The following PLCB4 variants were observed in gnomAD, a reference collection of about 807,000 sequenced individuals.
The protein encoded by PLCB4 is phospholipase C beta 4, also known as 1-phosphatidylinositol 4,5-bisphosphate phosphodiesterase beta-4.
In PLCB4, 77 loss-of-function variants were observed where a neutral mutation model predicts 178.8. The ratio of observed to expected loss-of-function variants is 0.43; its 90% CI spans 0.36 to 0.52. The LOEUF (loss-of-function observed/expected upper bound fraction) is 0.52. Ranked by LOEUF, PLCB4 falls within the 20% of genes least tolerant of loss-of-function variation. PLCB4 has a pLI of 0.00. For missense variants in PLCB4, 1,024 were observed against 1,453.4 expected, an observed-to-expected ratio of 0.70 and a Z score of 4.80; for synonymous variants, 496 against 490.8, an observed-to-expected ratio of 1.01 and a Z score of -0.14.
intron 34 of PLCB4, among the ~76,000 whole-genome samples, chr20:9,458,914 G>A (rs1056139540): frequency 6.6e-6 from 1 of 152,224 alleles, no homozygotes; most frequent in Admixed American, 6.5e-5. Context: ...GGTTGACACA[G>A]TAAGTCATGA....
intron 2 of PLCB4, among the ~76,000 whole-genome samples, chr20:9,156,234 A>G (rs1322738992): frequency 6.6e-6 from 1 of 152,178 alleles, no homozygotes; most frequent in African/African-American, 2.4e-5. Context: ...CAGTCTCCTC[A>G]TCCATAAAAT....
At position 9,339,004 on chromosome 20, in the gene PLCB4, C is replaced by G; in HGVS notation, c.336C>G (p.Thr112=). 6.2e-7 allele frequency: 1 copy of G among 1,613,192 alleles called. No individual in the cohort carries two copies. The highest frequency in any genetic ancestry group is 8.5e-7 in the Non-Finnish European group (1 of 1,179,428). ...SGTDLVNISF[T]YMVAENPEVT... Reference sequence around the variant, plus strand: ...CAGATCTAGTGAACATTAGTTTTACCTACATGGTGGCTGAAAATCCAGAAG... The same window carrying G: ...CAGATCTAGTGAACATTAGTTTTACGTACATGGTGGCTGAAAATCCAGAAG... Residue 112 remains threonine (T), a synonymous_variant, in exon 7 of 40, where the codon ACC becomes ACG. Coordinates refer to ENST00000378473, the MANE Select transcript of PLCB4 (RefSeq NM_001377142.1).
chr20:9,358,169 T>C (rs2035005668), intron 7 of PLCB4, among the ~76,000 whole-genome samples: 1 of 152,236 alleles, frequency 6.6e-6, no homozygotes, highest in African/African-American at 2.4e-5. Context: ...CTATTTCCCA[T>C]CCTGAAGATT....
chr20:9,214,186 T>G (rs2093703197), intron 2 of PLCB4, among the ~76,000 whole-genome samples: 1 of 152,206 alleles, frequency 6.6e-6, no homozygotes. Context: ...ATTGTTCTGG[T>G]CACAAGGATG....
In PLCB4 at chr20:9,390,610, C is replaced by T; in HGVS notation, c.1318C>T (p.His440Tyr). The change falls in exon 17 of 40, where the codon CAT (histidine) becomes TAT (tyrosine). Residue 440 changes from histidine (H) to tyrosine (Y), a missense_variant. Coordinates refer to ENST00000378473, the MANE Select transcript of PLCB4 (RefSeq NM_001377142.1). Reference protein sequence around the residue: ...DLLLKQALESHPLEPGRALPS... With the variant: ...DLLLKQALESYPLEPGRALPS... ...CCTGTTGAAACAAGCACTTGAATCA[C>T]ATCCAGTATGTATTTTTAACAAACC... is the stretch of plus-strand genomic sequence containing the variant. The T allele has an allele frequency of 6.8e-7, 1 of 1,469,886 alleles. No individual in the cohort carries two copies. The highest frequency in any genetic ancestry group is 9.5e-7 in the Non-Finnish European group (1 of 1,049,348). 91.1% of individuals were successfully genotyped at this position (1,469,886 alleles called of 1,614,324 possible). A position where few individuals can be genotyped will look rare whatever the true frequency, so the allele number is the denominator to read the frequency against.
chr20:9,372,219 C>T, intron 10 of PLCB4, 84 bp from the exon 11 acceptor site: 2 of 762,458 alleles, frequency 2.6e-6, no homozygotes, highest in Non-Finnish European at 4.5e-6. Context: ...AAGTGGTCTT[C>T]ACTGTGCTTC....
intron 2 of PLCB4, among the ~76,000 whole-genome samples, chr20:9,113,043 T>A (rs2091641547): frequency 6.6e-6 from 1 of 152,094 alleles, no homozygotes; most frequent in Admixed American, 6.6e-5. Context: ...TGCAGCAGTC[T>A]AGGAGGTGAA....
rs918423430 is a variant in PLCB4 at position 9,307,722 on chromosome 20, C to T, written c.-15-78C>T. 1.3e-4 allele frequency: 79 copies of T among 585,390 alleles called. No homozygotes were observed. The African/African-American group carries it at 1.4e-3, about 10-fold the overall frequency. The allele number at this position is 585,390 out of a possible 1,614,324, so 36.3% of individuals were successfully genotyped here. ...ATTTAAAGTAAATCTTCTGCAAACACAGAAATGCGAAGTGATTAACCATCC... is the reference window on the plus strand; with the variant it reads ...ATTTAAAGTAAATCTTCTGCAAACATAGAAATGCGAAGTGATTAACCATCC... On this transcript the variant is annotated intron_variant, in intron 3 of 39. Coordinates refer to ENST00000378473, the MANE Select transcript of PLCB4 (RefSeq NM_001377142.1).
At chr20:9,338,448 G>A (rs563900404) in intron 6 of PLCB4, among the ~76,000 whole-genome samples, 30 of 152,244 alleles carry the variant, frequency 2.0e-4, no homozygotes, top group Admixed American at 1.2e-3. Context: ...GGGAGGCAGA[G>A]GGAGGCAGAT....
intron 18 of PLCB4, among the ~76,000 whole-genome samples, chr20:9,394,695 C>T (rs145811881): frequency 1.3e-3 from 195 of 152,144 alleles, no homozygotes; most frequent in Admixed American, 2.6e-3. Flanking sequence ...TTTGTGCAAC[C>T]CTCTCCTTGA....
At position 9,134,426 on chromosome 20, in the gene PLCB4, T is replaced by C. The variant is rs2092340645; in HGVS notation, c.-79+38084T>C. Among the ~76,000 whole-genome samples, 3 of 152,196 alleles carry C rather than the reference T, an allele frequency of 2.0e-5. No individual in the cohort carries two copies. The South Asian group carries it at 6.2e-4, about 31-fold the overall frequency. ...ATTAATTTAATTAATATGTAACTTT[T>C]TGGTAAATGACATTGTATAACCCCA... On this transcript the variant is annotated intron_variant, in intron 2 of 39. Transcript: ENST00000378473.
intron 4 of PLCB4, among the ~76,000 whole-genome samples, chr20:9,326,843 C>G (rs1324035380): frequency 6.6e-6 from 1 of 152,112 alleles, no homozygotes; most frequent in Non-Finnish European, 1.5e-5. Context: ...GTTACGAACT[C>G]TGGGTTTCCC....
At chr20:9,427,228 A>AAAC (rs535755725) in intron 28 of PLCB4, among the ~76,000 whole-genome samples, 356 of 152,206 alleles carry the variant, frequency 2.3e-3, no homozygotes, top group African/African-American at 8.2e-3. Context: ...CTGTCTCCAA[A>AAAC]AACAACAACA....
intron 4 of PLCB4, among the ~76,000 whole-genome samples, chr20:9,321,858 T>G (rs1268571533): frequency 2.0e-5 from 3 of 152,086 alleles, no homozygotes; most frequent in African/African-American, 7.2e-5. Flanking sequence ...GGTCTCGAAC[T>G]TTTGACCTCA....
At chr20:9,153,152 A>T (rs554270685) in intron 2 of PLCB4, among the ~76,000 whole-genome samples, 160 of 152,248 alleles carry the variant, frequency 1.1e-3, no homozygotes, top group African/African-American at 3.6e-3. Context: ...GACTTGCCTT[A>T]TCTCAGATGA....
chr20:9,096,863 A>G (rs1430700113), intron 2 of PLCB4, among the ~76,000 whole-genome samples: 1 of 152,128 alleles, frequency 6.6e-6, no homozygotes, highest in Non-Finnish European at 1.5e-5. Context: ...TTTGTAATCC[A>G]TACAGAGCCT....
intron 3 of PLCB4, among the ~76,000 whole-genome samples, chr20:9,247,754 GGT>G (rs2094139905): frequency 6.6e-6 from 1 of 152,154 alleles, no homozygotes; most frequent in South Asian, 2.1e-4. Flanking sequence ...ATTTCCTGGA[GGT>G]CCTGAGGAGG....
At position 9,380,114 on chromosome 20, in the gene PLCB4, A is replaced by G. The variant is rs766087912; in HGVS notation, c.805A>G (p.Met269Val). The G allele has an allele frequency of 2.5e-6, 4 of 1,598,846 alleles. No individual in the cohort carries two copies. The East Asian group carries it at 9.0e-5, about 36-fold the overall frequency. Residue 269 changes from methionine to valine, a missense_variant, in exon 13 of 40, where the codon ATG becomes GTG. Met to Val is a conservative substitution (Grantham distance 21). This residue lies in a region of PLCB4 where 37 missense variants were observed against 28.6 expected (regional missense o/e 1.30). Coordinates refer to ENST00000378473, the MANE Select transcript of PLCB4 (RefSeq NM_001377142.1). ...TCCATTTTATGATGCCAAAAGGGCA[A>G]TGCAGATCATTGAGATGTATGAACC... Reference protein sequence around the residue: ...LFPFYDAKRAMQIIEMYEPDE... With the variant: ...LFPFYDAKRAVQIIEMYEPDE...
intron 36 of PLCB4, among the ~76,000 whole-genome samples, chr20:9,469,769 G>A (rs1054135855): frequency 6.6e-6 from 1 of 152,212 alleles, no homozygotes; most frequent in African/African-American, 2.4e-5. Flanking sequence ...AAGGTGCCAA[G>A]TGCAAGCCCT....
Sources: gnomAD v4.1 joint callset for allele counts (sites outside exome capture counted in the v4.1 genomes callset) on GRCh38, gnomAD v4.1.1 for gene constraint, gnomAD v4.1.1 regional missense constraint, MANE v1.5 for transcripts, NCBI Gene and HGNC (gene_info 2026-07-23, HGNC 2026-07-21) for gene names.